The following C9orf85 variants were observed in gnomAD, a reference collection of about 807,000 sequenced individuals.
The protein encoded by C9orf85 is uncharacterized protein C9orf85.
Under a neutral mutation model 14.9 loss-of-function variants are expected in C9orf85, and 16 were observed. The ratio of observed to expected loss-of-function variants is 1.08; its 90% CI spans 0.73 to 1.63. C9orf85 has a LOEUF of 1.63. Ranked by LOEUF, C9orf85 falls within the 40% of genes most tolerant of loss-of-function variation. The probability of loss-of-function intolerance (pLI) is 0.00; values close to 1 mark genes in which losing one functional copy is unlikely to be tolerated. For synonymous variants in C9orf85, 45 were observed against 56.8 expected (o/e 0.79, Z 0.93); for missense variants, 172 against 186.1 (o/e 0.92, Z 0.44).
At chr9:71,940,126 G>A (rs1828291844) in intron 1 of C9orf85, among the ~76,000 whole-genome samples, 1 of 151,990 alleles carries the variant, frequency 6.6e-6, no homozygotes, top group Admixed American at 6.6e-5. Flanking sequence ...GCATGGATTG[G>A]GAGAATATAT....
At chr9:71,961,328 A>G (rs1389797876) in intron 2 of C9orf85, among the ~76,000 whole-genome samples, 1 of 151,992 alleles carries the variant, frequency 6.6e-6, no homozygotes, top group Non-Finnish European at 1.5e-5. Context: ...TTGGGAGGCC[A>G]AGGCGGGTGG....
intron 1 of C9orf85, among the ~76,000 whole-genome samples, chr9:71,944,107 G>A (rs769635694): frequency 5.9e-5 from 9 of 151,604 alleles, no homozygotes; most frequent in Non-Finnish European, 1.0e-4. Flanking sequence ...GCTGGTGCAC[G>A]CCTGTAATCC....
At chr9:71,917,185 T>A (rs569313914) in intron 1 of C9orf85, among the ~76,000 whole-genome samples, 173 of 152,376 alleles carry the variant, frequency 1.1e-3, no homozygotes, top group African/African-American at 3.9e-3. Flanking sequence ...GGAAGCAGTG[T>A]GACACCAGAT....
chr9:71,981,935 T>A (rs1823104529), intron 3 of C9orf85, among the ~76,000 whole-genome samples: 1 of 152,158 alleles, frequency 6.6e-6, no homozygotes, highest in African/African-American at 2.4e-5. Context: ...CTCACCAATT[T>A]TAAGTGTATA....
chr9:71,953,172 C>T (rs1431072981), intron 2 of C9orf85, among the ~76,000 whole-genome samples: 1 of 152,172 alleles, frequency 6.6e-6, no homozygotes, highest in Non-Finnish European at 1.5e-5. Context: ...CCCAGCTCAA[C>T]ATGTCAAGAG....
intron 1 of C9orf85, among the ~76,000 whole-genome samples, chr9:71,921,317 A>G (rs1827798301): frequency 6.6e-6 from 1 of 152,170 alleles, no homozygotes; most frequent in Non-Finnish European, 1.5e-5. Context: ...GAAGCCTGCT[A>G]CCTGGAGGCT....
At chr9:71,952,585 C>CACCTCGTG (rs766672382) in intron 2 of C9orf85, among the ~76,000 whole-genome samples, 2 of 152,116 alleles carry the variant, frequency 1.3e-5, no homozygotes, top group African/African-American at 2.4e-5. Context: ...CCAGGATGGT[C>CACCTCGTG]ACCTCGTGAC....
chr9:71,969,973 T>G (rs1385283622), intron 2 of C9orf85, among the ~76,000 whole-genome samples: 1 of 152,030 alleles, frequency 6.6e-6, no homozygotes, highest in African/African-American at 2.4e-5. Context: ...ATACAAAGTT[T>G]CACTCTTGTC....
At chr9:71,968,932 G>C (rs1372440381) in intron 2 of C9orf85, among the ~76,000 whole-genome samples, 2 of 152,064 alleles carry the variant, frequency 1.3e-5, no homozygotes, top group African/African-American at 4.8e-5. Context: ...GTTTCGGCAG[G>C]AAAGACGGTT....
intron 2 of C9orf85, among the ~76,000 whole-genome samples, chr9:71,964,185 G>A (rs940568509): frequency 3.9e-5 from 6 of 152,130 alleles, no homozygotes; most frequent in East Asian, 3.9e-4. Flanking sequence ...TGGTGGGGAC[G>A]TGGAGAACCT....
At chr9:71,960,289 A>C (rs1240428068) in intron 2 of C9orf85, among the ~76,000 whole-genome samples, 1 of 152,202 alleles carries the variant, frequency 6.6e-6, no homozygotes, top group Non-Finnish European at 1.5e-5. Context: ...GGCTGTCTTT[A>C]TATGTCCTGT....
chr9:71,912,186 A>G (rs1042671930), intron 1 of C9orf85, among the ~76,000 whole-genome samples: 2 of 152,126 alleles, frequency 1.3e-5, no homozygotes, highest in African/African-American at 2.4e-5. Flanking sequence ...GGCTTTTTCA[A>G]ATTTTACACC....
intron 2 of C9orf85, among the ~76,000 whole-genome samples, chr9:71,968,099 T>TAGAGAGAG (rs140604366): frequency 0.061 from 8,012 of 130,346 alleles, 272 homozygotes; most frequent in Non-Finnish European, 0.081. Context: ...TATATATATA[T>TAGAGAGAG]ATAGAGAGAG....
chr9:71,976,878 C>G (rs1377290077), downstream of C9orf85, among the ~76,000 whole-genome samples: 1 of 152,172 alleles, frequency 6.6e-6, no homozygotes, highest in African/African-American at 2.4e-5. Flanking sequence ...TTCAAAGCCT[C>G]TCTTGCAACT....
intron 1 of C9orf85, among the ~76,000 whole-genome samples, chr9:71,915,675 C>G (rs1827629485): frequency 6.6e-6 from 1 of 152,102 alleles, no homozygotes; most frequent in Non-Finnish European, 1.5e-5. Context: ...CAGTTTTAGT[C>G]CTGTTCAGAT....
intron 1 of C9orf85, among the ~76,000 whole-genome samples, chr9:71,921,964 CAG>C (rs1827820521): frequency 4.1e-5 from 2 of 48,420 alleles, no homozygotes; most frequent in South Asian, 1.9e-3. Context: ...TATTTTGAAA[CAG>C]AGTCTTGCTC....
chr9:71,964,337 T>C (rs1822623285), intron 2 of C9orf85, among the ~76,000 whole-genome samples: 1 of 152,042 alleles, frequency 6.6e-6, no homozygotes, highest in South Asian at 2.1e-4. Context: ...GGCAACCTGC[T>C]GGGGTCCCCT....
At position 71,955,870 on chromosome 9, in the gene C9orf85, C is replaced by T. The variant is rs572054565; in HGVS notation, c.209+8758C>T. Among the ~76,000 whole-genome samples, 21 of 152,240 alleles carry T rather than the reference C, an allele frequency of 1.4e-4. No homozygotes were observed. In the South Asian group the frequency reaches 4.3e-3, roughly 32 times the overall value. On this transcript the variant is annotated intron_variant, in intron 2 of 3. Transcript: ENST00000334731. ...CAGTACAAAGTGAGTCCTTGATCTC[C>T]ATGCAATCTGAATTTGTAGCATCTG... is the stretch of plus-strand genomic sequence containing the variant.
At chr9:71,946,866 ATACAT>A (rs1027998308) in intron 1 of C9orf85, 135 bp from the exon 2 acceptor site, 2 of 521,726 alleles carry the variant, frequency 3.8e-6, no homozygotes, top group African/African-American at 3.8e-5. Context: ...ATACATAAAA[ATACAT>A]AATATATCAT....
Sources: gnomAD v4.1 joint callset for allele counts (sites outside exome capture counted in the v4.1 genomes callset) on GRCh38, gnomAD v4.1.1 for gene constraint, MANE v1.5 for transcripts, NCBI Gene and HGNC (gene_info 2026-07-23, HGNC 2026-07-21) for gene names.